The following ZRANB1 variants were observed in gnomAD, a reference collection of about 807,000 sequenced individuals.
The protein encoded by ZRANB1 is ubiquitin thioesterase ZRANB1.
A neutral mutation model predicts 80.5 loss-of-function variants in ZRANB1; 16 were observed. That is an observed-to-expected ratio of 0.20 (90% CI 0.13 to 0.30). The LOEUF (loss-of-function observed/expected upper bound fraction) is 0.30. Ranked by LOEUF, ZRANB1 falls within the 10% of genes least tolerant of loss-of-function variation. The pLI is 1.00. For missense variants in ZRANB1, 576 were observed against 862.6 expected (o/e 0.67, Z 4.16); for synonymous variants, 291 against 293.1 (o/e 0.99, Z 0.07).
At chr10:124,922,299 A>AAATATATATATATATATGTAT in the ZRANB1 span, among the ~76,000 whole-genome samples, 1 of 27,494 alleles carries the variant, frequency 3.6e-5, no homozygotes, top group African/African-American at 5.0e-5. Context: ...TATATATGTA[A>AAATATATATATATATATGTAT]AATATATATA....
intron 6 of ZRANB1, among the ~76,000 whole-genome samples, chr10:124,982,880 A>G (rs1380154588): frequency 6.6e-6 from 1 of 152,220 alleles, no homozygotes; most frequent in Non-Finnish European, 1.5e-5. Flanking sequence ...AGTTATCTGA[A>G]TCTCTGGTTC....
rs933673034 is a variant in ZRANB1, at chr10:124,952,641, G to A, written c.814+9334G>A. On this transcript the variant is annotated intron_variant, in intron 1 of 8. Transcript: ENST00000359653. ...TTTTTTTTTTGGAGATGGAGTTTTCGCTCTTGTTGCCTAGGCTGGAGTGTA... is the reference window on the plus strand; with the variant it reads ...TTTTTTTTTTGGAGATGGAGTTTTCACTCTTGTTGCCTAGGCTGGAGTGTA... Among the ~76,000 whole-genome samples the A allele has an allele frequency of 1.6e-4, 24 of 151,194 alleles. 1 individual carries two copies. Among genetic ancestry groups the A allele is most frequent in the Admixed American group, 1.2e-3 (18 of 15,176 alleles).
At chr10:124,922,229 A>C in the ZRANB1 span, among the ~76,000 whole-genome samples, 3 of 145,270 alleles carry the variant, frequency 2.1e-5, no homozygotes, top group African/African-American at 7.6e-5. Context: ...ATTGGCATGA[A>C]CCCCTGAGCC....
In ZRANB1 at chr10:124,942,453, A is replaced by G. The variant is rs749271540; in HGVS notation, c.-41A>G. 3 of 1,610,794 alleles carry G rather than the reference A, an allele frequency of 1.9e-6. No individual in the cohort carries two copies. The highest frequency in any genetic ancestry group is 1.1e-5 in the South Asian group (1 of 90,984). On this transcript the variant is annotated 5_prime_UTR_variant, in exon 1 of 9. Transcript: ENST00000359653. The stretch of plus-strand genomic sequence containing the variant: ...TTTAATAACCATGTCCTAATTATTT[A>G]TAGCTTCCTGCCTGACACAGCTCAC...
upstream of ZRANB1, among the ~76,000 whole-genome samples, chr10:124,938,574 A>G (rs935144065): frequency 2.0e-5 from 3 of 151,886 alleles, no homozygotes; most frequent in Non-Finnish European, 2.9e-5. Context: ...CAATCCACCT[A>G]CCTAGGCCTC....
the ZRANB1 span, among the ~76,000 whole-genome samples, chr10:124,918,910 A>G: frequency 1.3e-5 from 2 of 151,758 alleles, no homozygotes; most frequent in African/African-American, 4.8e-5. Context: ...TTTGAGGAGG[A>G]TGTTATCTGA....
In ZRANB1 at chr10:124,985,946, T is replaced by C. The variant is rs1229824161; in HGVS notation, c.*954T>C. ...AAATCTTGTTAGAAGGGCATGCCTT[T>C]GCTTAGGCAGATTGGGAATACCAAT... On this transcript the variant is annotated 3_prime_UTR_variant, in exon 9 of 9. Coordinates refer to ENST00000359653, the MANE Select transcript of ZRANB1 (RefSeq NM_017580.3). The C allele has an allele frequency of 6.6e-6, 1 of 152,232 alleles. No homozygotes were observed. The highest frequency in any genetic ancestry group is 1.5e-5 in the Non-Finnish European group (1 of 68,036). The allele number at this position is 152,232 out of a possible 1,614,324, so 9.4% of individuals were successfully genotyped here.
upstream of ZRANB1, among the ~76,000 whole-genome samples, chr10:124,940,065 T>C (rs1951521330): frequency 6.6e-6 from 1 of 152,194 alleles, no homozygotes; most frequent in Non-Finnish European, 1.5e-5. Context: ...TCTTTTCCCT[T>C]TTAGTAATAG....
chr10:124,924,261 T>C, the ZRANB1 span, among the ~76,000 whole-genome samples: 1 of 151,924 alleles, frequency 6.6e-6, no homozygotes, highest in Non-Finnish European at 1.5e-5. Flanking sequence ...TGCGTGATAT[T>C]AATTGGAATC....
At chr10:124,949,252 G>A (rs1564957101) in intron 1 of ZRANB1, among the ~76,000 whole-genome samples, 1 of 151,814 alleles carries the variant, frequency 6.6e-6, no homozygotes, top group Non-Finnish European at 1.5e-5. Flanking sequence ...TTATTCAGTT[G>A]TCATTGGACC....
At chr10:124,977,781 G>A (rs1410300963) in intron 5 of ZRANB1, among the ~76,000 whole-genome samples, 1 of 150,348 alleles carries the variant, frequency 6.7e-6, no homozygotes, top group Non-Finnish European at 1.5e-5. Context: ...AAATAGGCTA[G>A]ATAGGGAGTG....
chr10:124,934,710 C>T, the ZRANB1 span, among the ~76,000 whole-genome samples: 1 of 152,134 alleles, frequency 6.6e-6, no homozygotes, highest in African/African-American at 2.4e-5. Flanking sequence ...AGGTGGGCAA[C>T]TGGTTTTACA....
intron 1 of ZRANB1, among the ~76,000 whole-genome samples, chr10:124,943,864 T>C (rs771917392): frequency 2.3e-4 from 35 of 152,230 alleles, no homozygotes; most frequent in Non-Finnish European, 4.6e-4. Context: ...CATCTTGTGA[T>C]GATAGAAGCT....
rs533593599 is a variant in ZRANB1, at chr10:124,963,289, AT to A, written c.815-3304del. On this transcript the variant is annotated intron_variant, in intron 1 of 8. Coordinates refer to ENST00000359653, the MANE Select transcript of ZRANB1 (RefSeq NM_017580.3). Reference sequence around the variant, plus strand: ...TCAAAAAAAAAAAAAAAAAAAAAAAATGCTTCAGTTACTCTTGGAGGCATTG... The same window carrying A: ...TCAAAAAAAAAAAAAAAAAAAAAAAAGCTTCAGTTACTCTTGGAGGCATTG... 4.0e-3 allele frequency among the ~76,000 whole-genome samples: 581 copies of A among 146,378 alleles called. 6 individuals are homozygous for A. The highest frequency in any genetic ancestry group is 0.013 in the African/African-American group (527 of 39,166).
the ZRANB1 span, among the ~76,000 whole-genome samples, chr10:124,929,445 C>T: frequency 6.6e-6 from 1 of 151,496 alleles, no homozygotes; most frequent in Non-Finnish European, 1.5e-5. Flanking sequence ...AAGCAATTCT[C>T]CTGCCTCAGC....
At chr10:124,966,058 CCAA>C (rs1355709235) in intron 1 of ZRANB1, among the ~76,000 whole-genome samples, 1 of 152,076 alleles carries the variant, frequency 6.6e-6, no homozygotes, top group Admixed American at 6.6e-5. Flanking sequence ...CAAAATGTTG[CCAA>C]CGTTTACTTA....
chr10:124,922,882 C>T, the ZRANB1 span, among the ~76,000 whole-genome samples: 1 of 152,088 alleles, frequency 6.6e-6, no homozygotes, highest in East Asian at 1.9e-4. Context: ...ACTACCCAGG[C>T]GTGGTGTCAT....
At chr10:124,944,997 A>C (rs1393449051) in intron 1 of ZRANB1, among the ~76,000 whole-genome samples, 1 of 152,014 alleles carries the variant, frequency 6.6e-6, no homozygotes, top group Non-Finnish European at 1.5e-5. Context: ...TTCTGCTCCA[A>C]ATTGAGGGGC....
At chr10:124,931,213 C>T in the ZRANB1 span, among the ~76,000 whole-genome samples, 1 of 152,006 alleles carries the variant, frequency 6.6e-6, no homozygotes, top group Non-Finnish European at 1.5e-5. Context: ...GGACTACAGG[C>T]GTGTGCCACC....
Sources: gnomAD v4.1 joint callset for allele counts (sites outside exome capture counted in the v4.1 genomes callset) on GRCh38, gnomAD v4.1.1 for gene constraint, MANE v1.5 for transcripts, NCBI Gene and HGNC (gene_info 2026-07-23, HGNC 2026-07-21) for gene names.